ESX1: variants seen among roughly 807,000 people sequenced by gnomAD.
ESX1 encodes the protein ESX homeobox 1, also known as homeobox protein ESX1.
ESX1 carries 2 observed loss-of-function variants against 13.2 expected under a neutral mutation model. The ratio of observed to expected loss-of-function variants is 0.15; its 90% CI spans 0.06 to 0.48. ESX1 has a LOEUF of 0.48. Ranked by LOEUF, ESX1 falls within the 20% of genes least tolerant of loss-of-function variation. The pLI, the probability that ESX1 is intolerant of heterozygous loss-of-function variation, is 0.97. For synonymous variants in ESX1, 157 were observed against 163.1 expected (o/e 0.96, Z 0.29); for missense variants, 307 against 379.0 (o/e 0.81, Z 1.58).
At position 104,250,076 on chromosome X, in the gene ESX1, A is replaced by T; in HGVS notation, c.*152T>A. On this transcript the variant is annotated 3_prime_UTR_variant, in exon 4 of 4. Coordinates refer to ENST00000372588, the MANE Select transcript of ESX1 (RefSeq NM_153448.4). Reference sequence around the variant, plus strand: ...CATCTTTATTGAAAATACTACAATTATGTGGCCTACAAAAATAACAGGGCA... The same window carrying T: ...CATCTTTATTGAAAATACTACAATTTTGTGGCCTACAAAAATAACAGGGCA... 1.4e-6 allele frequency: 1 copy of T among 690,177 alleles called. No individual in the cohort carries two copies. Among genetic ancestry groups the T allele is most frequent in the Non-Finnish European group, 2.0e-6 (1 of 489,463 alleles). The allele number at this position is 690,177 out of a possible 1,213,427, so 56.9% of individuals were successfully genotyped here.
At position 104,254,169 on chromosome X, in the gene ESX1, G is replaced by T. The variant is rs1246463360; in HGVS notation, c.491C>A (p.Pro164His). Residue 164 changes from proline (P) to histidine (H), a missense_variant, in exon 2 of 4, where the codon CCC becomes CAC. By Grantham distance (77) the Pro-to-His change is moderately conservative. Coordinates refer to ENST00000372588, the MANE Select transcript of ESX1 (RefSeq NM_153448.4). ...AGCCACTTACCGCGCCACAACGTCG[G>T]GATATTGAGATTCATCGAAAAAGTT... is the stretch of plus-strand genomic sequence containing the variant. ...LENFFDESQYPDVVARERLAA... is the reference protein window; with the variant it reads ...LENFFDESQYHDVVARERLAA... The T allele has an allele frequency of 8.3e-7, 1 of 1,203,647 alleles. No homozygotes were observed. The highest frequency in any genetic ancestry group is 1.1e-6 in the Non-Finnish European group (1 of 891,161).
In ESX1 at chrX:104,254,489, C is replaced by T. The variant is rs781786804; in HGVS notation, c.171G>A (p.Ala57=). 1 of 1,212,123 alleles carries T rather than the reference C, an allele frequency of 8.2e-7. No homozygotes were observed. The highest frequency in any genetic ancestry group is 1.1e-6 in the Non-Finnish European group (1 of 895,640). ...ACCCTTCCGTGCCAACGTTGTTTTC[C>T]GCTTCTGTTCCGTACTCAGGTTTGG... ...TRSKPEYGTE[A]ENNVGTEGSV... Residue 57 remains alanine, a synonymous_variant, in exon 2 of 4, where the codon GCG becomes GCA. Coordinates refer to ENST00000372588, the MANE Select transcript of ESX1 (RefSeq NM_153448.4).
chrX:104,251,080 T>C (rs918514979), intron 3 of ESX1, among the ~76,000 whole-genome samples, 184 bp from the exon 4 acceptor site: 1 of 111,444 alleles, frequency 9.0e-6, no homozygotes. Flanking sequence ...TGGTCACCCC[T>C]GCCTAAACAT....
chrX:104,254,713 G>A (rs1602543459), intron 1 of ESX1, 55 bp downstream of exon 1: 3 of 1,160,631 alleles, frequency 2.6e-6, no homozygotes, highest in South Asian at 3.6e-5. Context: ...CTCTCCCAGG[G>A]AAAAATTCCT....
At position 104,254,393 on chromosome X, in the gene ESX1, C is replaced by T; in HGVS notation, c.267G>A (p.Pro89=). 8.3e-7 allele frequency: 1 copy of T among 1,211,506 alleles called. No individual in the cohort carries two copies. The highest frequency in any genetic ancestry group is 1.7e-5 in the African/African-American group (1 of 57,826). ...GCTGTTGCTCCGGCTTGGTCAGGGG[C>T]GGCTCCTCCTGCTGTTGCTCCGGCT... ...GHEPEQQQEE[P]PLTKPEQQQE... is the part of the protein sequence containing the mutation. Residue 89 remains proline, a synonymous_variant, in exon 2 of 4, where the codon CCG becomes CCA. Coordinates refer to ENST00000372588, the MANE Select transcript of ESX1 (RefSeq NM_153448.4).
At position 104,253,151 on chromosome X, in the gene ESX1, AAC is replaced by A. The variant is rs201945689; in HGVS notation, c.507-325_507-324del. ...GCGACAGAGTGAGTCTCAAAAAAAA[AAC>A]ATATATATATATATATATGAATGTA... is the stretch of plus-strand genomic sequence containing the variant. On this transcript the variant is annotated intron_variant, in intron 2 of 3. Transcript: ENST00000372588. 2.4e-3 allele frequency among the ~76,000 whole-genome samples: 213 copies of A among 87,837 alleles called. 2 individuals carry two copies. The East Asian group carries it at 0.075, about 31-fold the overall frequency. 76.3% of individuals were successfully genotyped at this position (87,837 alleles called of 115,157 possible).
intron 2 of ESX1, among the ~76,000 whole-genome samples, chrX:104,253,153 CAT>C (rs1284437014): frequency 0.077 from 4,829 of 62,827 alleles, 268 homozygotes; most frequent in African/African-American, 0.18. Context: ...AAAAAAAAAA[CAT>C]ATATATATAT....
At chrX:104,253,478 G>A (rs1358786077) in intron 2 of ESX1, among the ~76,000 whole-genome samples, 2 of 111,437 alleles carry the variant, frequency 1.8e-5, no homozygotes, top group Admixed American at 9.5e-5. Flanking sequence ...TCTGTTTATC[G>A]TAAAAAGGAG....
rs782673100 is a variant in ESX1, at chrX:104,254,134, C to T, written c.506+20G>A. On this transcript the variant is annotated intron_variant, in intron 2 of 3. Coordinates refer to ENST00000372588, the MANE Select transcript of ESX1 (RefSeq NM_153448.4). ...AAGGGTCCCGGGATGAACTGGGCGCCTCCGGGGCAAGCCACTTACCGCGCC... is the reference window on the plus strand; with the variant it reads ...AAGGGTCCCGGGATGAACTGGGCGCTTCCGGGGCAAGCCACTTACCGCGCC... 1.7e-6 allele frequency: 2 copies of T among 1,183,527 alleles called. No individual in the cohort carries two copies. Among genetic ancestry groups the T allele is most frequent in the Non-Finnish European group, 2.3e-6 (2 of 880,190 alleles).
Position 104,254,253 on chromosome X carries a change from G to T in ESX1, c.407C>A (p.Pro136Gln), listed in dbSNP as rs1556395221. 3.3e-6 allele frequency: 4 copies of T among 1,212,132 alleles called. No homozygotes were observed. Among genetic ancestry groups the T allele is most frequent in the East Asian group, 3.0e-5 (1 of 33,827 alleles). ...GPQTAEGPQP[P>Q]ERKRRRRTAF... is the part of the protein sequence containing the mutation. ...GGTGCGGCGGCGGCGTTTCCTCTCTGGGGGCTGTGGTCCCTCAGCGGTTTG... is the reference window on the plus strand; with the variant it reads ...GGTGCGGCGGCGGCGTTTCCTCTCTTGGGGCTGTGGTCCCTCAGCGGTTTG... The change falls in exon 2 of 4, where the codon CCA (proline) becomes CAA (glutamine). Residue 136 changes from proline to glutamine, a missense_variant. Around this residue, in one of 3 missense-constraint regions of ESX1, gnomAD observed 152 missense variants for 114.5 expected, o/e 1.33. Transcript: ENST00000372588.
intron 3 of ESX1, among the ~76,000 whole-genome samples, chrX:104,251,878 A>C (rs1044021455): frequency 3.6e-5 from 4 of 112,099 alleles, no homozygotes; most frequent in African/African-American, 1.3e-4. Flanking sequence ...TCTCTTATGC[A>C]TTTGGTAGTT....
rs1556394172 is a variant in ESX1 at position 104,250,845 on chromosome X, T to G, written c.604A>C (p.Met202Leu). 8.3e-7 allele frequency: 1 copy of G among 1,210,524 alleles called. No individual in the cohort carries two copies. The highest frequency in any genetic ancestry group is 3.0e-5 in the East Asian group (1 of 33,790). The change falls in exon 4 of 4, where the codon ATG becomes CTG. Residue 202 changes from methionine (M) to leucine (L), a missense_variant. By Grantham distance (15) the Met-to-Leu change is conservative (BLOSUM62 2). This residue lies in a region of ESX1 where 108 missense variants were observed against 147.5 expected (regional missense o/e 0.73). Transcript: ENST00000372588. The stretch of plus-strand genomic sequence containing the variant: ...TCAGCAGTAGCAGTGTTTCTCAACA[T>G]TAGCACCCTCTGATTTCGTTTCCAC... ...AKWKRNQRVLMLRNTATADLA... is the reference protein window; with the variant it reads ...AKWKRNQRVLLLRNTATADLA...
intron 2 of ESX1, 112 bp downstream of exon 2, chrX:104,254,042 C>T: frequency 1.1e-6 from 1 of 948,243 alleles, no homozygotes. Flanking sequence ...CCGCCCACCA[C>T]GTCCCCCAAA....
Position 104,250,240 on chromosome X carries a change from A to T in ESX1, c.1209T>A (p.Cys403Ter). The T allele has an allele frequency of 8.3e-7, 1 of 1,208,253 alleles. No homozygotes were observed. The highest frequency in any genetic ancestry group is 1.1e-6 in the Non-Finnish European group (1 of 893,515). ...TGAATACCTTACTTTAGAAAAAGGG[A>T]CATGCATAATAACTGTTGATGACAG... ...WAPVINSYYA[C>*]PFF The change falls in exon 4 of 4, where the codon TGT becomes TGA. Residue 403 changes from cysteine (C) to a stop codon, truncating the protein, a stop_gained. Transcript: ENST00000372588. LOFTEE classifies it high-confidence loss of function.
intron 3 of ESX1, 33 bp downstream of exon 3, chrX:104,252,750 T>C (rs1556394630): frequency 8.4e-7 from 1 of 1,194,341 alleles, no homozygotes; most frequent in African/African-American, 1.7e-5. Context: ...AGAATGGCTG[T>C]CCTGCCAAAT....
At chrX:104,253,521 C>T (rs1330155586) in intron 2 of ESX1, among the ~76,000 whole-genome samples, 1 of 112,164 alleles carries the variant, frequency 8.9e-6, no homozygotes, top group African/African-American at 3.2e-5. Flanking sequence ...CTCCAAACCA[C>T]ATCGGCCAAG....
rs782745016 is a variant in ESX1, at chrX:104,254,807, G to T, written c.43C>A (p.Arg15Ser). Residue 15 changes from arginine to serine, a missense_variant, in exon 1 of 4, where the codon CGC (arginine) becomes AGC (serine). Physicochemically the swap from Arg to Ser is moderately radical, Grantham distance 110 (BLOSUM62 -1). Around this residue, in one of 3 missense-constraint regions of ESX1, gnomAD observed 152 missense variants for 114.5 expected, o/e 1.33. Transcript: ENST00000372588. ...ATGTCCTCGCCGACTGCCAGGCTGCGGTAGCCAATATCACTGTGGGTGTAC... is the reference window on the plus strand; with the variant it reads ...ATGTCCTCGCCGACTGCCAGGCTGCTGTAGCCAATATCACTGTGGGTGTAC... ...RGYTHSDIGY[R>S]SLAVGEDIEE... is the part of the protein sequence containing the mutation. 1.7e-6 allele frequency: 2 copies of T among 1,210,849 alleles called. No individual in the cohort carries two copies.
In ESX1 at chrX:104,250,363, G is replaced by GGGCGGCCCGGGTGGCAGAGGCGCCATA. The variant is rs1923131978; in HGVS notation, c.1085_1086insTATGGCGCCTCTGCCACCCGGGCCGCC (p.Gly369_Pro377dup). 1 of 1,077,319 alleles carries GGGCGGCCCGGGTGGCAGAGGCGCCATA rather than the reference G, an allele frequency of 9.3e-7. No individual in the cohort carries two copies. Among genetic ancestry groups the GGGCGGCCCGGGTGGCAGAGGCGCCATA allele is most frequent in the African/African-American group, 2.0e-5 (1 of 50,918 alleles). 88.8% of individuals were successfully genotyped at this position (1,077,319 alleles called of 1,213,427 possible). On this transcript the variant is annotated inframe_insertion, in exon 4 of 4. Coordinates refer to ENST00000372588, the MANE Select transcript of ESX1 (RefSeq NM_153448.4). ...GCGGCCCGGGTGGCAGAGGCGCCAT[G>GGGCGGCCCGGGTGGCAGAGGCGCCATA]GGCGGCCCGGGTGGCAGAGGCGCCA...
In ESX1 at chrX:104,254,289, G is replaced by A. The variant is rs1923264807; in HGVS notation, c.371C>T (p.Ala124Val). 8.3e-7 allele frequency: 1 copy of A among 1,211,577 alleles called. No individual in the cohort carries two copies. The highest frequency in any genetic ancestry group is 1.1e-6 in the Non-Finnish European group (1 of 895,444). ...PQTTVEGPQPAEGPQTAEGPQ... is the reference protein window; with the variant it reads ...PQTTVEGPQPVEGPQTAEGPQ... ...TCCCTCAGCGGTTTGTGGCCCCTCC[G>A]CCGGCTGTGGCCCCTCCACGGTCGT... The change falls in exon 2 of 4, where the codon GCG becomes GTG. Residue 124 changes from alanine to valine, a missense_variant. This residue lies in a region of ESX1 where 152 missense variants were observed against 114.5 expected (regional missense o/e 1.33). Transcript: ENST00000372588.
Sources: allele counts gnomAD v4.1 joint callset (sites outside exome capture counted in the v4.1 genomes callset), GRCh38; gene constraint gnomAD v4.1.1; regional missense constraint gnomAD v4.1.1; transcripts MANE v1.5; gene names NCBI Gene and HGNC (gene_info 2026-07-23, HGNC 2026-07-21).